Variants in GPC5 observed in about 807,000 individuals in gnomAD.
GPC5 encodes the protein glypican 5.
In GPC5, 47 loss-of-function variants were observed where a neutral mutation model predicts 53.9. That is an observed-to-expected ratio of 0.87 (90% confidence interval 0.69 to 1.11). GPC5 has a LOEUF of 1.11. Ranked by LOEUF, GPC5 falls within the 50% of genes most tolerant of loss-of-function variation. The probability of loss-of-function intolerance (pLI) is 0.00; values close to 1 mark genes in which losing one functional copy is unlikely to be tolerated. For missense variants in GPC5, 748 were observed against 713.1 expected (o/e 1.05, Z -0.56); for synonymous variants, 286 against 263.3 (o/e 1.09, Z -0.84).
At chr13:92,727,654 A>G (rs1888682844) in intron 7 of GPC5, among the ~76,000 whole-genome samples, 1 of 151,350 alleles carries the variant, frequency 6.6e-6, no homozygotes, top group African/African-American at 2.4e-5. Flanking sequence ...TCAATTCAGT[A>G]GACACTTTTT....
At chr13:91,984,343 A>G (rs1012198565) in intron 6 of GPC5, among the ~76,000 whole-genome samples, 1 of 152,194 alleles carries the variant, frequency 6.6e-6, no homozygotes, top group African/African-American at 2.4e-5. Flanking sequence ...ATGGAGATGA[A>G]CACATCTGAT....
intron 7 of GPC5, among the ~76,000 whole-genome samples, chr13:92,348,924 A>G (rs1011178745): frequency 2.0e-5 from 3 of 152,198 alleles, no homozygotes; most frequent in African/African-American, 7.2e-5. Context: ...CAGCAAAAGA[A>G]GTTCTAAGAG....
chr13:92,167,749 T>A (rs2042041938), intron 7 of GPC5, among the ~76,000 whole-genome samples: 1 of 152,156 alleles, frequency 6.6e-6, no homozygotes, highest in African/African-American at 2.4e-5. Context: ...CTGGTCTGAA[T>A]CATGTGGATT....
intron 7 of GPC5, among the ~76,000 whole-genome samples, chr13:92,631,158 G>A (rs977274542): frequency 3.3e-5 from 5 of 151,714 alleles, no homozygotes; most frequent in African/African-American, 4.8e-5. Flanking sequence ...CATTAAAATC[G>A]TTGAGATAAT....
intron 6 of GPC5, among the ~76,000 whole-genome samples, chr13:91,942,965 T>A (rs760216649): frequency 4.6e-5 from 7 of 152,136 alleles, no homozygotes; most frequent in Non-Finnish European, 8.8e-5. Context: ...AAATGATAAA[T>A]AATTATATCA....
chr13:92,671,959 C>A (rs1886767261), intron 7 of GPC5, among the ~76,000 whole-genome samples: 1 of 152,140 alleles, frequency 6.6e-6, no homozygotes, highest in Admixed American at 6.6e-5. Context: ...CTGAACAAAA[C>A]TCATTGCAAA....
intron 7 of GPC5, among the ~76,000 whole-genome samples, chr13:92,591,750 C>T (rs1883718073): frequency 6.6e-6 from 1 of 152,068 alleles, no homozygotes; most frequent in Non-Finnish European, 1.5e-5. Context: ...AACTCCCCCA[C>T]CCCCCAACCA....
intron 6 of GPC5, among the ~76,000 whole-genome samples, chr13:92,031,828 A>ATT: frequency 9.4e-6 from 1 of 106,316 alleles, no homozygotes; most frequent in African/African-American, 4.1e-5. Flanking sequence ...TATTATATAT[A>ATT]ATATATAATA....
At chr13:91,682,614 C>T (rs1272827982) in intron 2 of GPC5, among the ~76,000 whole-genome samples, 6 of 152,126 alleles carry the variant, frequency 3.9e-5, no homozygotes, top group African/African-American at 1.2e-4. Flanking sequence ...GAAAGATGAA[C>T]AGGAGGACTC....
intron 7 of GPC5, among the ~76,000 whole-genome samples, chr13:92,436,148 A>G (rs1324662189): frequency 6.6e-6 from 1 of 152,170 alleles, no homozygotes; most frequent in Admixed American, 6.6e-5. Context: ...ATGTTGATGG[A>G]AAAATGGCAC....
At chr13:92,166,728 A>G (rs1347897792) in intron 7 of GPC5, among the ~76,000 whole-genome samples, 1 of 152,182 alleles carries the variant, frequency 6.6e-6, no homozygotes, top group Non-Finnish European at 1.5e-5. Flanking sequence ...TTATGAGGGA[A>G]GGGCTGTTTA....
chr13:92,652,182 T>A (rs1318131520), intron 7 of GPC5, among the ~76,000 whole-genome samples: 1 of 152,178 alleles, frequency 6.6e-6, no homozygotes. Flanking sequence ...TGCAGATACT[T>A]ACAAGTTATT....
chr13:91,766,515 T>G (rs1398355863), intron 5 of GPC5, among the ~76,000 whole-genome samples: 1 of 152,198 alleles, frequency 6.6e-6, no homozygotes, highest in Non-Finnish European at 1.5e-5. Context: ...TTACCAGTGA[T>G]GTGAATTAAG....
At chr13:91,946,028 C>A (rs111501839) in intron 6 of GPC5, among the ~76,000 whole-genome samples, 1 of 151,954 alleles carries the variant, frequency 6.6e-6, no homozygotes, top group African/African-American at 2.4e-5. Flanking sequence ...TGGTCGGGGG[C>A]GGGGGCTTCT....
intron 2 of GPC5, among the ~76,000 whole-genome samples, chr13:91,622,613 T>C (rs930008557): frequency 1.3e-5 from 2 of 152,112 alleles, no homozygotes; most frequent in Non-Finnish European, 2.9e-5. Context: ...GCGTGAAAAC[T>C]AAGTCAAGAA....
intron 5 of GPC5, among the ~76,000 whole-genome samples, chr13:91,826,688 T>C (rs2038581124): frequency 6.6e-6 from 1 of 152,060 alleles, no homozygotes; most frequent in African/African-American, 2.4e-5. Flanking sequence ...GACACGAGAA[T>C]TGACAAATAG....
rs143354254 is a variant in GPC5 at position 91,809,342 on chromosome 13, A to C, written c.1280+52922A>C. Among the ~76,000 whole-genome samples, 26 of 152,296 alleles carry C rather than the reference A, an allele frequency of 1.7e-4. No homozygotes were observed. The East Asian group carries it at 5.0e-3, about 29-fold the overall frequency. Reference sequence around the variant, plus strand: ...CCTGTCTGCAGAAGTTTCCAGTGACAGAGAACTATCCTGTAACTGACAACC... The same window carrying C: ...CCTGTCTGCAGAAGTTTCCAGTGACCGAGAACTATCCTGTAACTGACAACC... On this transcript the variant is annotated intron_variant, in intron 5 of 7. Coordinates refer to ENST00000377067, the MANE Select transcript of GPC5 (RefSeq NM_004466.6).
At chr13:92,113,543 A>G (rs1401744131) in intron 6 of GPC5, among the ~76,000 whole-genome samples, 3 of 152,148 alleles carry the variant, frequency 2.0e-5, no homozygotes, top group African/African-American at 7.2e-5. Flanking sequence ...CAACATATAC[A>G]ATTTAATATA....
At chr13:92,127,105 A>T (rs1566446903) in intron 6 of GPC5, among the ~76,000 whole-genome samples, 1 of 151,954 alleles carries the variant, frequency 6.6e-6, no homozygotes, top group African/African-American at 2.4e-5. Flanking sequence ...TTATAATGGA[A>T]GGGGGGGTGA....
Sources: allele counts gnomAD v4.1 joint callset (sites outside exome capture counted in the v4.1 genomes callset), GRCh38; gene constraint gnomAD v4.1.1; transcripts MANE v1.5; gene names NCBI Gene and HGNC (gene_info 2026-07-23, HGNC 2026-07-21).